Variants in ABHD16A observed in about 807,000 individuals in gnomAD.
ABHD16A encodes the protein phosphatidylserine lipase ABHD16A.
A neutral mutation model predicts 89.8 loss-of-function variants in ABHD16A; 47 were observed. The observed-to-expected ratio is 0.52, with a 90% confidence interval of 0.41 to 0.67. The LOEUF (loss-of-function observed/expected upper bound fraction) is 0.67, where lower values mean the gene tolerates loss of function less well. Ranked by LOEUF, ABHD16A falls within the 30% of genes least tolerant of loss-of-function variation. The pLI is 0.00. For missense variants in ABHD16A, 580 were observed against 734.6 expected (o/e 0.79, Z 2.43); for synonymous variants, 251 against 280.4 (o/e 0.90, Z 1.05).
intron 1 of ABHD16A, chr6:31,702,715 C>G (rs1184442670): frequency 1.3e-6 from 2 of 1,544,158 alleles, no homozygotes; most frequent in South Asian, 1.2e-5. Flanking sequence ...AAAAGTCATT[C>G]TGAAATTCAA....
chr6:31,689,758 C>G lies in ABHD16A; in HGVS notation c.958-54G>C. On this transcript the variant is annotated intron_variant, in intron 11 of 19. Transcript: ENST00000395952. Reference sequence around the variant, plus strand: ...GTGTCAGCACCAAAGGCCAGCTCACCTGTCCCTCCCAACGTGGACCCCTCC... The same window carrying G: ...GTGTCAGCACCAAAGGCCAGCTCACGTGTCCCTCCCAACGTGGACCCCTCC... 3.2e-6 allele frequency: 5 copies of G among 1,567,706 alleles called. No homozygotes were observed. In the South Asian group the frequency reaches 3.6e-5, roughly 11 times the overall value.
chr6:31,700,931 T>C lies in ABHD16A; in HGVS notation c.343+11A>G. 1 of 1,610,344 alleles carries C rather than the reference T, an allele frequency of 6.2e-7. No homozygotes were observed. Among genetic ancestry groups the C allele is most frequent in the Non-Finnish European group, 8.5e-7 (1 of 1,176,692 alleles). ...CAGATAAGATTCAAACCAGGTTTCC[T>C]CTCCACCTACCTCGGAGGCAGGCCA... On this transcript the variant is annotated intron_variant, in intron 4 of 19. Coordinates refer to ENST00000395952, the MANE Select transcript of ABHD16A (RefSeq NM_021160.3).
chr6:31,696,883 T>C, intron 5 of ABHD16A, 65 bp downstream of exon 5: 1 of 1,477,486 alleles, frequency 6.8e-7, no homozygotes, highest in Non-Finnish European at 9.5e-7. Flanking sequence ...TGTCTGGTGC[T>C]CTGAGGGACA....
chr6:31,702,744 A>G (rs1805146359), intron 1 of ABHD16A: 2 of 1,532,418 alleles, frequency 1.3e-6, no homozygotes, highest in Non-Finnish European at 1.8e-6. Context: ...TAAAGGGAAG[A>G]TAAAAACAGA....
At chr6:31,696,861 T>C (rs2151245625) in intron 5 of ABHD16A, 87 bp downstream of exon 5, 3 of 1,326,756 alleles carry the variant, frequency 2.3e-6, no homozygotes, top group South Asian at 1.2e-5. Context: ...CTCCTCTTCC[T>C]GCAGAAGCCA....
Position 31,693,130 on chromosome 6 carries a change from G to A in ABHD16A, c.523C>T (p.Pro175Ser), listed in dbSNP as rs370951628. Residue 175 changes from proline (P) to serine (S), a missense_variant, in exon 7 of 20, where the codon CCT becomes TCT. Physicochemically the swap from Pro to Ser is moderately conservative, Grantham distance 74. Coordinates refer to ENST00000395952, the MANE Select transcript of ABHD16A (RefSeq NM_021160.3). This position sits in a 1 kb window ranked among gnomAD's most constrained non-coding sequence, Gnocchi z 5.0. ...PSSRKESRGG[P>S]SRRGVALLRP... ...AGCAGGGCCACACCCCGGCGGGAAG[G>A]GCCCCCTCGAGACTCCTTCCTGAGG... 2.5e-6 allele frequency: 4 copies of A among 1,613,672 alleles called. No homozygotes were observed.
rs139336381 is a variant in ABHD16A, at chr6:31,699,936, C to T, written c.343+1006G>A. Among the ~76,000 whole-genome samples the T allele has an allele frequency of 3.9e-3, 588 of 151,920 alleles. 29 individuals are homozygous for T. In the East Asian group the frequency reaches 0.11, roughly 28 times the overall value. On this transcript the variant is annotated intron_variant, in intron 4 of 19. Transcript: ENST00000395952. ...TTTTTTTTTGTATGTTTAGTAGAGA[C>T]GGGGTTTCACCATGTTGGACAGACT...
Sources: gnomAD v4.1 joint callset for allele counts (sites outside exome capture counted in the v4.1 genomes callset) on GRCh38, gnomAD v4.1.1 for gene constraint, Gnocchi (gnomAD v3.1) non-coding constraint, MANE v1.5 for transcripts, NCBI Gene and HGNC (gene_info 2026-07-23, HGNC 2026-07-21) for gene names.